NIM1K: variants seen among roughly 807,000 people sequenced by gnomAD.
The protein encoded by NIM1K is serine/threonine-protein kinase NIM1.
NIM1K carries 35 observed loss-of-function variants against 37.1 expected under a neutral mutation model. That is an observed-to-expected ratio of 0.94 (90% confidence interval 0.72 to 1.25). The LOEUF (loss-of-function observed/expected upper bound fraction) is 1.25. Ranked by LOEUF, NIM1K falls within the 50% of genes most tolerant of loss-of-function variation. The pLI is 0.00. For missense variants in NIM1K, 564 were observed against 548.0 expected (o/e 1.03, Z -0.29); for synonymous variants, 234 against 206.6 (o/e 1.13, Z -1.14).
At chr5:43,213,233 TCTTCCTTTCTTTCTTTCTTGTTC>T (rs1366269277) in intron 1 of NIM1K, among the ~76,000 whole-genome samples, 2 of 148,014 alleles carry the variant, frequency 1.4e-5, no homozygotes, top group Admixed American at 6.8e-5. Context: ...TTCCTTCTTT[TCTTCCTTTCTTTCTTTCTTGTTC>T]TTTCTTGTTT....
At chr5:43,225,532 C>G (rs13160133) in intron 1 of NIM1K, 6,107 of 152,280 alleles carry the variant, frequency 0.04, 173 homozygotes, top group Middle Eastern at 0.1. Flanking sequence ...AAGGTGGGAC[C>G]TTCTTCTGAA....
At chr5:43,244,329 A>G (rs924122873) in intron 1 of NIM1K, among the ~76,000 whole-genome samples, 1 of 152,256 alleles carries the variant, frequency 6.6e-6, no homozygotes, top group Non-Finnish European at 1.5e-5. Flanking sequence ...GGTGAGCAGG[A>G]CATACCTACA....
intron 2 of NIM1K, among the ~76,000 whole-genome samples, chr5:43,262,061 C>A (rs1753039384): frequency 6.6e-6 from 1 of 152,140 alleles, no homozygotes; most frequent in South Asian, 2.1e-4. Flanking sequence ...CTGCTTTGTT[C>A]TTTTGGCTTA....
chr5:43,212,799 GC>G (rs752627519), intron 1 of NIM1K, among the ~76,000 whole-genome samples: 25 of 152,318 alleles, frequency 1.6e-4, no homozygotes, highest in Admixed American at 1.1e-3. Flanking sequence ...CTGTTAGGAA[GC>G]ATATTCTCAC....
intron 1 of NIM1K, among the ~76,000 whole-genome samples, chr5:43,236,641 G>A (rs1752626229): frequency 1.3e-5 from 2 of 152,200 alleles, no homozygotes; most frequent in Admixed American, 6.5e-5. Context: ...CACTGACGTA[G>A]AACTCCTGCA....
intron 1 of NIM1K, among the ~76,000 whole-genome samples, chr5:43,235,297 A>G: frequency 6.6e-6 from 1 of 152,256 alleles, no homozygotes; most frequent in East Asian, 1.9e-4. Context: ...TATTATGCCA[A>G]ATTATCTTCA....
intron 1 of NIM1K, among the ~76,000 whole-genome samples, chr5:43,211,358 CT>C (rs1356535714): frequency 6.6e-6 from 1 of 152,134 alleles, no homozygotes; most frequent in Admixed American, 6.6e-5. Flanking sequence ...TGGTTACATT[CT>C]TACTCTTGTA....
intron 1 of NIM1K, among the ~76,000 whole-genome samples, chr5:43,229,519 C>A (rs6870684): frequency 6.6e-6 from 1 of 151,974 alleles, no homozygotes; most frequent in African/African-American, 2.4e-5. Context: ...ATCTACCTAT[C>A]TAAACCTTTA....
chr5:43,238,300 C>T (rs1752650142), intron 1 of NIM1K, among the ~76,000 whole-genome samples: 1 of 151,736 alleles, frequency 6.6e-6, no homozygotes, highest in African/African-American at 2.4e-5. Context: ...CCTTCAGCCT[C>T]CCAAAGTGCT....
intron 1 of NIM1K, among the ~76,000 whole-genome samples, chr5:43,223,720 T>C (rs961975151): frequency 5.3e-5 from 8 of 152,086 alleles, no homozygotes; most frequent in African/African-American, 9.7e-5. Flanking sequence ...GAGAAGAAAA[T>C]CTGATAGGTG....
chr5:43,264,870 A>G (rs1235052698), intron 2 of NIM1K, among the ~76,000 whole-genome samples: 1 of 152,050 alleles, frequency 6.6e-6, no homozygotes, highest in Non-Finnish European at 1.5e-5. Flanking sequence ...TTTCTTCTTC[A>G]CTTATGAAGC....
At chr5:43,258,189 G>T (rs773041836) in intron 2 of NIM1K, among the ~76,000 whole-genome samples, 1 of 152,018 alleles carries the variant, frequency 6.6e-6, no homozygotes, top group African/African-American at 2.4e-5. Flanking sequence ...TACATAAATG[G>T]CATCATCCAA....
chr5:43,240,515 A>G (rs1400510074), intron 1 of NIM1K: 1 of 147,576 alleles, frequency 6.8e-6, no homozygotes, highest in East Asian at 2.0e-4. Flanking sequence ...AACTCTACCT[A>G]TTTTTAGGGA....
chr5:43,269,915 G>A (rs1753230156), intron 2 of NIM1K, among the ~76,000 whole-genome samples: 2 of 152,178 alleles, frequency 1.3e-5, no homozygotes, highest in East Asian at 1.9e-4. Flanking sequence ...ACCGTGCCCG[G>A]CCATGTGTGT....
intron 2 of NIM1K, among the ~76,000 whole-genome samples, chr5:43,265,200 C>T (rs996551850): frequency 6.6e-6 from 1 of 152,196 alleles, no homozygotes; most frequent in Admixed American, 6.5e-5. Context: ...TGGATAATAT[C>T]CTGCAGAGTG....
At chr5:43,238,483 T>C (rs1254154907) in intron 1 of NIM1K, among the ~76,000 whole-genome samples, 2 of 152,000 alleles carry the variant, frequency 1.3e-5, no homozygotes, top group East Asian at 3.8e-4. Flanking sequence ...TGGCTCTACA[T>C]TTCCTTCAAG....
At chr5:43,257,328 T>A (rs1370779331) in intron 2 of NIM1K, among the ~76,000 whole-genome samples, 6 of 150,670 alleles carry the variant, frequency 4.0e-5, no homozygotes, top group Non-Finnish European at 7.4e-5. Context: ...CAAGAGAGGA[T>A]AATGAGGGGA....
rs1180528126 is a variant in NIM1K, at chr5:43,245,975, T to C, written c.200T>C (p.Leu67Pro). The change falls in exon 2 of 4, where the codon CTG becomes CCG. Residue 67 changes from leucine to proline, a missense_variant. Physicochemically the swap from Leu to Pro is moderately conservative, Grantham distance 98 (BLOSUM62 -3). Coordinates refer to ENST00000326035, the MANE Select transcript of NIM1K (RefSeq NM_153361.4). ...GAGAAGGTGGTGAGGGAGATCACGC[T>C]GGGGAAACGGATAGGCTTCTACCGA... ...QDEKVVREIT[L>P]GKRIGFYRIR... 1.9e-6 allele frequency: 3 copies of C among 1,614,010 alleles called. No homozygotes were observed. Among genetic ancestry groups the C allele is most frequent in the Non-Finnish European group, 1.7e-6 (2 of 1,179,980 alleles).
rs111853870 is a variant in NIM1K, at chr5:43,252,530, T to C, written c.292+6463T>C. Among the ~76,000 whole-genome samples, 3 of 151,026 alleles carry C rather than the reference T, an allele frequency of 2.0e-5. 1 individual carries two copies. The highest frequency in any genetic ancestry group is 7.3e-5 in the African/African-American group (3 of 41,064). ...AGGAGATTCCCAGGAAAGCAGAGAG[T>C]TTCAGTGCCAGGAGCAGCTCCCAGG... On this transcript the variant is annotated intron_variant, in intron 2 of 3. Transcript: ENST00000326035.
Sources: gnomAD v4.1 joint callset for allele counts (sites outside exome capture counted in the v4.1 genomes callset) on GRCh38, gnomAD v4.1.1 for gene constraint, MANE v1.5 for transcripts, NCBI Gene and HGNC (gene_info 2026-07-23, HGNC 2026-07-21) for gene names.